Variants in TMEM164 observed in about 807,000 individuals in gnomAD.
The protein encoded by TMEM164 is RP13-360B22.2.
Under a neutral mutation model 18.8 loss-of-function variants are expected in TMEM164, and 4 were observed. That is an observed-to-expected ratio of 0.21 (90% CI 0.10 to 0.49). The LOEUF (loss-of-function observed/expected upper bound fraction) is 0.49, where lower values mean the gene tolerates loss of function less well. TMEM164 is among the 20% of genes least tolerant of loss of function. The pLI, the probability that TMEM164 is intolerant of heterozygous loss-of-function variation, is 0.98. For synonymous variants in TMEM164, 86 were observed against 101.7 expected, an observed-to-expected ratio of 0.85 and a Z score of 0.93; for missense variants, 108 against 239.9, an observed-to-expected ratio of 0.45 and a Z score of 3.63.
intron 2 of TMEM164, among the ~76,000 whole-genome samples, chrX:110,013,804 G>A (rs936152345): frequency 1.8e-5 from 2 of 112,002 alleles, no homozygotes; most frequent in Non-Finnish European, 3.8e-5. Context: ...TTTAAATCAA[G>A]TATTTAGCAG....
chrX:110,014,295 A>C lies in TMEM164; in HGVS notation c.390+10131A>C, dbSNP rs181536619. On this transcript the variant is annotated intron_variant, in intron 2 of 6. Transcript: ENST00000372068. ...GGATTTGATACAGGAAAGCTTTTCC[A>C]AGAAAATCTTCCCTGGCATCATAAT... is the stretch of plus-strand genomic sequence containing the variant. 1.9e-3 allele frequency among the ~76,000 whole-genome samples: 216 copies of C among 111,316 alleles called. 6 individuals carry two copies. The East Asian group carries it at 0.039, about 20-fold the overall frequency.
intron 4 of TMEM164, among the ~76,000 whole-genome samples, chrX:110,141,222 CTG>C (rs1245883733): frequency 8.9e-6 from 1 of 112,062 alleles, no homozygotes; most frequent in Non-Finnish European, 1.9e-5. Flanking sequence ...GTGCCTATTG[CTG>C]TTTCTTTGGA....
chrX:110,175,866 A>T lies in TMEM164; in HGVS notation c.*2415A>T. 2.6e-6 allele frequency: 2 copies of T among 755,456 alleles called. No individual in the cohort carries two copies. Among genetic ancestry groups the T allele is most frequent in the Non-Finnish European group, 3.1e-6 (2 of 639,820 alleles). 62.3% of individuals were successfully genotyped at this position (755,456 alleles called of 1,213,427 possible). On this transcript the variant is annotated 3_prime_UTR_variant, in exon 7 of 7. Coordinates refer to ENST00000372068, the MANE Select transcript of TMEM164 (RefSeq NM_032227.4). The stretch of plus-strand genomic sequence containing the variant: ...GGCCAAGCCAACGTGGAGAGAAGCA[A>T]CCCAACCAGACTCTTGGCAGCCTGC...
At chrX:110,147,092 C>T (rs977399491) in intron 5 of TMEM164, among the ~76,000 whole-genome samples, 4 of 111,250 alleles carry the variant, frequency 3.6e-5, no homozygotes, top group Non-Finnish European at 7.5e-5. Flanking sequence ...GGGTAGGTGG[C>T]GCCTTGTGGG....
intron 4 of TMEM164, among the ~76,000 whole-genome samples, chrX:110,120,071 G>A (rs1238968728): frequency 8.9e-6 from 1 of 111,997 alleles, no homozygotes; most frequent in Non-Finnish European, 1.9e-5. Flanking sequence ...CAGGTGAATT[G>A]GGCCCACTCC....
intron 2 of TMEM164, among the ~76,000 whole-genome samples, chrX:110,046,970 T>A (rs1464027576): frequency 4.5e-5 from 5 of 112,095 alleles, no homozygotes; most frequent in Non-Finnish European, 7.5e-5. Context: ...ATCCCAGAAC[T>A]ATTGAGTCCG....
intron 2 of TMEM164, among the ~76,000 whole-genome samples, chrX:110,022,768 GA>G (rs1372420872): frequency 8.9e-6 from 1 of 112,072 alleles, no homozygotes; most frequent in Non-Finnish European, 1.9e-5. Context: ...TGCCCCCAGG[GA>G]ACTTATTATC....
chrX:110,175,757 G>A lies in TMEM164; in HGVS notation c.*2306G>A. The A allele has an allele frequency of 1.3e-6, 1 of 754,845 alleles. No individual in the cohort carries two copies. The highest frequency in any genetic ancestry group is 1.6e-6 in the Non-Finnish European group (1 of 639,612). 62.2% of individuals were successfully genotyped at this position (754,845 alleles called of 1,213,427 possible). Reference sequence around the variant, plus strand: ...AAGAATAGAGGGGGCCCAGTCTATAGGCTTCACAAGGAGCCATGGCCTGTA... The same window carrying A: ...AAGAATAGAGGGGGCCCAGTCTATAAGCTTCACAAGGAGCCATGGCCTGTA... On this transcript the variant is annotated 3_prime_UTR_variant, in exon 7 of 7. Transcript: ENST00000372068.
intron 2 of TMEM164, among the ~76,000 whole-genome samples, chrX:110,032,740 CT>C (rs1934574622): frequency 8.9e-6 from 1 of 111,882 alleles, no homozygotes; most frequent in African/African-American, 3.3e-5. Flanking sequence ...CACCCAGTGA[CT>C]TAGCTGTGAT....
At chrX:110,039,966 A>G (rs1225618519) in intron 2 of TMEM164, among the ~76,000 whole-genome samples, 2 of 111,333 alleles carry the variant, frequency 1.8e-5, no homozygotes, top group Non-Finnish European at 3.8e-5. Context: ...AAAATCCCTG[A>G]GCAAGGCTGA....
intron 3 of TMEM164, among the ~76,000 whole-genome samples, chrX:110,076,715 G>C (rs759334360): frequency 7.2e-5 from 8 of 111,780 alleles, no homozygotes; most frequent in Non-Finnish European, 1.3e-4. Flanking sequence ...TGCCTTAATT[G>C]TATGGTTTAT....
Position 110,173,383 on chromosome X carries a change from T to C in TMEM164, c.826T>C (p.Tyr276His). 1.7e-6 allele frequency: 2 copies of C among 1,211,578 alleles called. No homozygotes were observed. Among genetic ancestry groups the C allele is most frequent in the Non-Finnish European group, 2.2e-6 (2 of 895,516 alleles). Residue 276 changes from tyrosine (Y) to histidine (H), a missense_variant, in exon 7 of 7, where the codon TAC becomes CAC. Transcript: ENST00000372068. ...THGKLVILFSYMAGPLCKYLL... is the reference protein window; with the variant it reads ...THGKLVILFSHMAGPLCKYLL... ...CGGGAAGCTGGTCATCCTGTTCTCATACATGGCTGGGCCCTTGTGTAAATA... is the reference window on the plus strand; with the variant it reads ...CGGGAAGCTGGTCATCCTGTTCTCACACATGGCTGGGCCCTTGTGTAAATA...
At chrX:110,141,337 A>G (rs1045527848) in intron 4 of TMEM164, among the ~76,000 whole-genome samples, 2 of 111,860 alleles carry the variant, frequency 1.8e-5, no homozygotes, top group Non-Finnish European at 3.8e-5. Context: ...AGATAACACT[A>G]TGTGTATTAG....
At chrX:110,157,782 G>C (rs1345245764) in intron 5 of TMEM164, among the ~76,000 whole-genome samples, 1 of 112,123 alleles carries the variant, frequency 8.9e-6, no homozygotes, top group Non-Finnish European at 1.9e-5. Context: ...AGCTACATTT[G>C]GCTTTTGAAC....
chrX:110,013,927 G>T (rs1933155858), intron 2 of TMEM164, among the ~76,000 whole-genome samples: 1 of 111,090 alleles, frequency 9.0e-6, no homozygotes, highest in African/African-American at 3.3e-5. Flanking sequence ...CAGGCTCTAG[G>T]GTGGTAAAAG....
At chrX:110,061,735 AC>A (rs1936130608) in intron 2 of TMEM164, among the ~76,000 whole-genome samples, 1 of 111,821 alleles carries the variant, frequency 8.9e-6, no homozygotes, top group Admixed American at 9.6e-5. Context: ...CCTTAGACTG[AC>A]AAAAATAGTA....
chrX:110,076,859 T>A (rs192499817), intron 3 of TMEM164, among the ~76,000 whole-genome samples: 1 of 112,213 alleles, frequency 8.9e-6, no homozygotes, highest in Non-Finnish European at 1.9e-5. Context: ...TTATTGAGAC[T>A]TAACTTTATG....
At chrX:110,047,079 G>T (rs1327940417) in intron 2 of TMEM164, among the ~76,000 whole-genome samples, 1 of 111,870 alleles carries the variant, frequency 8.9e-6, no homozygotes, top group Non-Finnish European at 1.9e-5. Flanking sequence ...TTTGAGAAAG[G>T]CTACTCTGTA....
At chrX:110,011,968 C>A (rs138185949) in intron 2 of TMEM164, among the ~76,000 whole-genome samples, 17 of 112,169 alleles carry the variant, frequency 1.5e-4, no homozygotes, top group African/African-American at 4.5e-4. Flanking sequence ...CATTTCTAGG[C>A]TGTTGATAAA....
Sources: allele counts gnomAD v4.1 joint callset (sites outside exome capture counted in the v4.1 genomes callset), GRCh38; gene constraint gnomAD v4.1.1; transcripts MANE v1.5; gene names NCBI Gene and HGNC (gene_info 2026-07-23, HGNC 2026-07-21).